CENPK: variants seen among roughly 807,000 people sequenced by gnomAD.
The protein encoded by CENPK is centromere protein K.
Under a neutral mutation model 40.9 loss-of-function variants are expected in CENPK, and 46 were observed. That is an observed-to-expected ratio of 1.13 (90% CI 0.89 to 1.44). The LOEUF (loss-of-function observed/expected upper bound fraction) is 1.44. Ranked by LOEUF, CENPK falls within the 40% of genes most tolerant of loss-of-function variation. CENPK has a pLI of 0.00. For missense variants in CENPK, 288 were observed against 303.5 expected (o/e 0.95, Z 0.38); for synonymous variants, 107 against 104.4 (o/e 1.02, Z -0.15).
At chr5:65,499,826 A>ACCCT in the CENPK span, among the ~76,000 whole-genome samples, 1 of 72,842 alleles carries the variant, frequency 1.4e-5, no homozygotes, top group African/African-American at 5.7e-5. Flanking sequence ...CCCTCCCCCG[A>ACCCT]CCCCACCACA....
intron 3 of CENPK, among the ~76,000 whole-genome samples, chr5:65,553,804 G>T (rs1334367431): frequency 6.6e-6 from 1 of 152,164 alleles, no homozygotes; most frequent in African/African-American, 2.4e-5. Context: ...CTTCCTAAAT[G>T]CTTTCTATCT....
At chr5:65,554,976 A>T (rs1055411549) in intron 2 of CENPK, 30 bp from the exon 3 acceptor site, 16 of 935,738 alleles carry the variant, frequency 1.7e-5, no homozygotes, top group Middle Eastern at 4.4e-4. Context: ...TTCATTCAGC[A>T]GTATTGGTTG....
intron 2 of CENPK, among the ~76,000 whole-genome samples, chr5:65,555,579 T>C (rs1008152663): frequency 1.3e-5 from 2 of 152,154 alleles, no homozygotes; most frequent in African/African-American, 4.8e-5. Flanking sequence ...CTACAGGCAG[T>C]AAGGATAGAA....
At chr5:65,507,099 G>A in the CENPK span, among the ~76,000 whole-genome samples, 1 of 151,996 alleles carries the variant, frequency 6.6e-6, no homozygotes, top group African/African-American at 2.4e-5. Flanking sequence ...TTTTTCTTTT[G>A]TGTTTCTGCC....
At position 65,537,374 on chromosome 5, in the gene CENPK, G is replaced by A. The variant is rs145088947; in HGVS notation, c.288+5428C>T. Among the ~76,000 whole-genome samples the A allele has an allele frequency of 3.8e-3, 575 of 152,182 alleles. 3 individuals carry two copies. The highest frequency in any genetic ancestry group is 0.013 in the African/African-American group (535 of 41,532). On this transcript the variant is annotated intron_variant, in intron 6 of 10. Transcript: ENST00000396679. ...GGCTGGAGTCCAGTAGGGCGATCTCGGCTCACTGCAAGGTCCTCCTCCCGG... is the reference window on the plus strand; with the variant it reads ...GGCTGGAGTCCAGTAGGGCGATCTCAGCTCACTGCAAGGTCCTCCTCCCGG...
chr5:65,547,088 AACT>A (rs1749134216), intron 5 of CENPK, among the ~76,000 whole-genome samples: 1 of 152,092 alleles, frequency 6.6e-6, no homozygotes, highest in Admixed American at 6.5e-5. Flanking sequence ...TCCTCTGGAG[AACT>A]TGAACATTTT....
At chr5:65,538,049 C>T (rs1009127209) in intron 6 of CENPK, among the ~76,000 whole-genome samples, 22 of 152,080 alleles carry the variant, frequency 1.4e-4, no homozygotes, top group African/African-American at 5.3e-4. Flanking sequence ...ATTGCTATTC[C>T]AATTTTTGTA....
the CENPK span, among the ~76,000 whole-genome samples, chr5:65,512,020 T>C: frequency 6.6e-6 from 1 of 152,044 alleles, no homozygotes; most frequent in Admixed American, 6.6e-5. Flanking sequence ...GTGCAAGAGG[T>C]TGGTTCTAAA....
At chr5:65,510,729 T>C in the CENPK span, among the ~76,000 whole-genome samples, 3 of 151,618 alleles carry the variant, frequency 2.0e-5, no homozygotes, top group African/African-American at 4.9e-5. Flanking sequence ...TGAGCCGAGA[T>C]TGTGCCACTG....
intron 8 of CENPK, 77 bp from the exon 9 acceptor site, chr5:65,528,655 T>C (rs554755425): frequency 2.9e-6 from 4 of 1,388,414 alleles, no homozygotes; most frequent in Non-Finnish European, 3.8e-6. Context: ...ATTCATGAAG[T>C]TGATCAAAAA....
At chr5:65,554,768 A>T (rs1386763466) in intron 3 of CENPK, 29 bp downstream of exon 3, 1 of 1,124,128 alleles carries the variant, frequency 8.9e-7, no homozygotes, top group Admixed American at 1.8e-5. Context: ...ATCTTATATT[A>T]ACTATCACTT....
chr5:65,512,992 T>C (rs1490447656), downstream of CENPK, among the ~76,000 whole-genome samples: 1 of 152,236 alleles, frequency 6.6e-6, no homozygotes. Context: ...GTGAGGTGCC[T>C]GCTCAGATCT....
downstream of CENPK, among the ~76,000 whole-genome samples, chr5:65,515,606 T>A (rs1431155183): frequency 6.6e-6 from 1 of 152,232 alleles, no homozygotes; most frequent in African/African-American, 2.4e-5. Flanking sequence ...TTCCTTAATC[T>A]ACAAGTATTT....
At chr5:65,551,308 T>C in intron 5 of CENPK, 1 of 358,912 alleles carries the variant, frequency 2.8e-6, no homozygotes, top group Non-Finnish European at 5.0e-6. Flanking sequence ...CATAAGGCAG[T>C]GTCTATGAGG....
At chr5:65,526,497 T>C (rs1414776316) in intron 9 of CENPK, among the ~76,000 whole-genome samples, 1 of 152,176 alleles carries the variant, frequency 6.6e-6, no homozygotes, top group Non-Finnish European at 1.5e-5. Context: ...TCCTAGTATA[T>C]TCACATCCAT....
intron 2 of CENPK, among the ~76,000 whole-genome samples, chr5:65,555,792 A>G (rs990991173): frequency 2.0e-5 from 3 of 152,246 alleles, no homozygotes; most frequent in African/African-American, 7.2e-5. Context: ...AAGATGGTAA[A>G]AGAAACAGAT....
At chr5:65,521,605 G>A in intron 9 of CENPK, 77 bp from the exon 10 acceptor site, 2 of 994,474 alleles carry the variant, frequency 2.0e-6, no homozygotes, top group Non-Finnish European at 3.1e-6. Flanking sequence ...GTTTTTATAA[G>A]ACTTTTATTT....
Position 65,558,886 on chromosome 5 carries a change from A to G in CENPK, c.-40+2577T>C, listed in dbSNP as rs141796192. Among the ~76,000 whole-genome samples, 34 of 152,360 alleles carry G rather than the reference A, an allele frequency of 2.2e-4. No homozygotes were observed. In the East Asian group the frequency reaches 6.6e-3, roughly 29 times the overall value. On this transcript the variant is annotated intron_variant, in intron 2 of 10. Coordinates refer to ENST00000396679, the MANE Select transcript of CENPK (RefSeq NM_022145.5). The stretch of plus-strand genomic sequence containing the variant: ...TATTAAAATCACTAAGAATTATGAT[A>G]GTAGTACTGCAAAGGGCAATGAGCC...
At chr5:65,524,317 G>A (rs1393162151) in intron 9 of CENPK, among the ~76,000 whole-genome samples, 1 of 150,984 alleles carries the variant, frequency 6.6e-6, no homozygotes, top group Non-Finnish European at 1.5e-5. Flanking sequence ...CCCGGGAGGT[G>A]GAGCTTACAG....
Sources: gnomAD v4.1 joint callset for allele counts (sites outside exome capture counted in the v4.1 genomes callset) on GRCh38, gnomAD v4.1.1 for gene constraint, MANE v1.5 for transcripts, NCBI Gene and HGNC (gene_info 2026-07-23, HGNC 2026-07-21) for gene names.